TMEM272: variants seen among roughly 807,000 people sequenced by gnomAD.
TMEM272 encodes the protein long intergenic non-protein coding RNA 282.
In TMEM272, 8 loss-of-function variants were observed where a neutral mutation model predicts 3.7. The observed-to-expected ratio is 2.17, with a 90% confidence interval of 1.27 to 3.91. The LOEUF is 3.91. TMEM272 is among the 30% of genes most tolerant of loss of function. The probability of loss-of-function intolerance (pLI) is 0.00; values close to 1 mark genes in which losing one functional copy is unlikely to be tolerated. For missense variants in TMEM272, 166 were observed against 91.5 expected (o/e 1.81, Z -3.32); for synonymous variants, 63 against 39.8 (o/e 1.58, Z -2.20).
chr13:51,879,128 G>A, the TMEM272 span, among the ~76,000 whole-genome samples: 1 of 152,152 alleles, frequency 6.6e-6, no homozygotes, highest in Admixed American at 6.5e-5. Context: ...TCTTGACAAT[G>A]TATGTCTCCT....
chr13:51,929,582 G>C, the TMEM272 span, among the ~76,000 whole-genome samples: 2 of 152,210 alleles, frequency 1.3e-5, no homozygotes, highest in African/African-American at 4.8e-5. Context: ...CCACATAAGG[G>C]GACCAAGGGA....
intron 1 of TMEM272, among the ~76,000 whole-genome samples, chr13:51,844,642 C>T (rs1045263855): frequency 2.0e-5 from 3 of 152,148 alleles, no homozygotes; most frequent in Non-Finnish European, 2.9e-5. Context: ...TCTACCACCC[C>T]TTTAAAATGA....
chr13:51,832,432 T>C (rs1440463030), intron 2 of TMEM272, among the ~76,000 whole-genome samples: 1 of 152,204 alleles, frequency 6.6e-6, no homozygotes, highest in Non-Finnish European at 1.5e-5. Context: ...AAACTGAGAC[T>C]GGGACCCAGC....
the TMEM272 span, among the ~76,000 whole-genome samples, chr13:51,918,800 ATT>A: frequency 1.5e-5 from 2 of 137,174 alleles, no homozygotes; most frequent in Admixed American, 7.3e-5. Flanking sequence ...AATTTTTGAA[ATT>A]CTTTTTTTTT....
chr13:51,840,479 C>T (rs1456926718), intron 1 of TMEM272, among the ~76,000 whole-genome samples: 1 of 152,180 alleles, frequency 6.6e-6, no homozygotes, highest in African/African-American at 2.4e-5. Flanking sequence ...CTCTGTTAAC[C>T]AGAACGGACT....
chr13:51,863,665 G>GCACACA, the TMEM272 span, among the ~76,000 whole-genome samples: 2 of 103,760 alleles, frequency 1.9e-5, no homozygotes, highest in African/African-American at 9.1e-5. Context: ...ATATGCACGC[G>GCACACA]CACACAGACA....
At chr13:51,852,680 C>G in the TMEM272 span, among the ~76,000 whole-genome samples, 1 of 151,990 alleles carries the variant, frequency 6.6e-6, no homozygotes, top group Admixed American at 6.6e-5. Flanking sequence ...GAGATCGAGA[C>G]CATCCTGGCC....
At chr13:51,909,734 G>C in the TMEM272 span, 1 of 1,549,942 alleles carries the variant, frequency 6.5e-7, no homozygotes. Flanking sequence ...TCAATTCACT[G>C]TTCATTTCTA....
intron 3 of TMEM272, among the ~76,000 whole-genome samples, chr13:51,825,047 A>AC (rs1232814786): frequency 1.3e-5 from 2 of 152,194 alleles, no homozygotes; most frequent in African/African-American, 4.8e-5. Flanking sequence ...TCTGGAGAGT[A>AC]CCCCCGACTT....
the TMEM272 span, among the ~76,000 whole-genome samples, chr13:51,915,150 T>C: frequency 6.6e-6 from 1 of 152,242 alleles, no homozygotes; most frequent in South Asian, 2.1e-4. Flanking sequence ...ACTTCTGCAA[T>C]ACTTTTATCC....
the TMEM272 span, among the ~76,000 whole-genome samples, chr13:51,850,728 CTT>C: frequency 1.3e-5 from 2 of 152,024 alleles, no homozygotes; most frequent in African/African-American, 4.8e-5. Flanking sequence ...ATACTATACT[CTT>C]TTGTGTAATT....
the TMEM272 span, among the ~76,000 whole-genome samples, chr13:51,925,808 C>T: frequency 2.0e-5 from 3 of 152,176 alleles, no homozygotes; most frequent in East Asian, 3.8e-4. Context: ...GCCACCCTTC[C>T]TCCCCAAAGC....
chr13:51,894,093 C>G, the TMEM272 span, among the ~76,000 whole-genome samples: 1 of 152,208 alleles, frequency 6.6e-6, no homozygotes, highest in Non-Finnish European at 1.5e-5. Context: ...CATTGAAGAA[C>G]TGCTTGGGGA....
At chr13:51,910,354 A>T in the TMEM272 span, 1 of 1,197,242 alleles carries the variant, frequency 8.4e-7, no homozygotes, top group Non-Finnish European at 1.2e-6. Context: ...AGTAGTCTAC[A>T]TTTTTCTTCA....
At chr13:51,913,185 C>T in the TMEM272 span, among the ~76,000 whole-genome samples, 1 of 152,164 alleles carries the variant, frequency 6.6e-6, no homozygotes, top group Non-Finnish European at 1.5e-5. Flanking sequence ...AGCTCCTCCC[C>T]CTACTCTTAG....
At chr13:51,932,090 C>T in the TMEM272 span, among the ~76,000 whole-genome samples, 1 of 152,166 alleles carries the variant, frequency 6.6e-6, no homozygotes, top group Non-Finnish European at 1.5e-5. Context: ...GGCCAGTTGT[C>T]CTGGCATAAC....
chr13:51,900,923 T>C, the TMEM272 span, among the ~76,000 whole-genome samples: 28 of 152,224 alleles, frequency 1.8e-4, no homozygotes, highest in Non-Finnish European at 3.4e-4. Context: ...GACAATTCTG[T>C]AGAGACAAAA....
At chr13:51,826,058 C>G (rs1016174450) in intron 3 of TMEM272, among the ~76,000 whole-genome samples, 2 of 151,220 alleles carry the variant, frequency 1.3e-5, no homozygotes, top group Non-Finnish European at 2.9e-5. Context: ...CCTCCCCTGA[C>G]CTTCGCTAGA....
At chr13:51,914,577 C>T in the TMEM272 span, among the ~76,000 whole-genome samples, 2 of 152,220 alleles carry the variant, frequency 1.3e-5, no homozygotes, top group Non-Finnish European at 1.5e-5. Flanking sequence ...GTAAGGCGGG[C>T]GATGGAGCTG....
Sources: allele counts gnomAD v4.1 joint callset (sites outside exome capture counted in the v4.1 genomes callset), GRCh38; gene constraint gnomAD v4.1.1; transcripts MANE v1.5; gene names NCBI Gene and HGNC (gene_info 2026-07-23, HGNC 2026-07-21).